The following RNF149 variants were observed in gnomAD, a reference collection of about 807,000 sequenced individuals.
RNF149 encodes E3 ubiquitin-protein ligase RNF149.
RNF149 carries 21 observed loss-of-function variants against 39.0 expected under a neutral mutation model. The ratio of observed to expected loss-of-function variants is 0.54; its 90% confidence interval spans 0.38 to 0.77. RNF149 has a LOEUF of 0.77. Ranked by LOEUF, RNF149 falls within the 30% of genes least tolerant of loss-of-function variation. The pLI is 0.00. For synonymous variants in RNF149, 209 were observed against 213.6 expected (o/e 0.98, Z 0.19); for missense variants, 493 against 534.9 (o/e 0.92, Z 0.77).
downstream of RNF149, among the ~76,000 whole-genome samples, chr2:101,273,983 G>A (rs1482918519): frequency 6.6e-6 from 1 of 151,682 alleles, no homozygotes; most frequent in Non-Finnish European, 1.5e-5. Flanking sequence ...ATGTTTGACA[G>A]CTGCTGATTA....
At chr2:101,293,658 C>G (rs1368951967) in intron 3 of RNF149, among the ~76,000 whole-genome samples, 1 of 152,160 alleles carries the variant, frequency 6.6e-6, no homozygotes, top group Non-Finnish European at 1.5e-5. Context: ...TCAGATTTAA[C>G]AGAAATGAAC....
At chr2:101,292,889 A>G (rs1683073172) in intron 3 of RNF149, among the ~76,000 whole-genome samples, 2 of 152,134 alleles carry the variant, frequency 1.3e-5, no homozygotes, top group South Asian at 4.1e-4. Flanking sequence ...AGTTTGTCAC[A>G]GGGATTAACT....
chr2:101,294,002 T>G lies in RNF149; in HGVS notation c.780+12A>C. 1 of 1,498,782 alleles carries G rather than the reference T, an allele frequency of 6.7e-7. No individual in the cohort carries two copies. The highest frequency in any genetic ancestry group is 9.2e-7 in the Non-Finnish European group (1 of 1,085,668). 92.8% of individuals were successfully genotyped at this position (1,498,782 alleles called of 1,614,324 possible). A position where few individuals can be genotyped will look rare whatever the true frequency, so the allele number is the denominator to read the frequency against. On this transcript the variant is annotated intron_variant, in intron 3 of 6. Coordinates refer to ENST00000295317, the MANE Select transcript of RNF149 (RefSeq NM_173647.4). ...AAACCACAAAACAAAAGAAAAACCA[T>G]GAAAATATTACCTTTTCTCCATGCT...
Position 101,275,789 on chromosome 2 carries a change from A to C in RNF149, c.*1449T>G. On this transcript the variant is annotated 3_prime_UTR_variant, in exon 7 of 7. Coordinates refer to ENST00000295317, the MANE Select transcript of RNF149 (RefSeq NM_173647.4). Reference sequence around the variant, plus strand: ...AGAGCAAACAATCTACTTGCTACAGAATCAGGATGTATTTTCCTATTTATA... The same window carrying C: ...AGAGCAAACAATCTACTTGCTACAGCATCAGGATGTATTTTCCTATTTATA... 2.0e-6 allele frequency: 2 copies of C among 981,056 alleles called. No homozygotes were observed. Among genetic ancestry groups the C allele is most frequent in the African/African-American group, 3.5e-5 (2 of 57,262 alleles). The allele number at this position is 981,056 out of a possible 1,614,324, so 60.8% of individuals were successfully genotyped here.
intron 1 of RNF149, among the ~76,000 whole-genome samples, chr2:101,295,433 G>A (rs1036780624): frequency 3.3e-5 from 5 of 151,980 alleles, no homozygotes; most frequent in South Asian, 4.1e-4. Context: ...AGGCCTAGGC[G>A]GGCGGATCAC....
chr2:101,291,846 TAC>T (rs1364774373), intron 3 of RNF149, among the ~76,000 whole-genome samples: 1 of 152,224 alleles, frequency 6.6e-6, no homozygotes, highest in East Asian at 1.9e-4. Flanking sequence ...CATTTTTTTG[TAC>T]AGTTTAAAAT....
chr2:101,308,219 C>A lies in RNF149; in HGVS notation c.370G>T (p.Val124Leu). 1 of 1,607,138 alleles carries A rather than the reference C, an allele frequency of 6.2e-7. No homozygotes were observed. The highest frequency in any genetic ancestry group is 8.5e-7 in the Non-Finnish European group (1 of 1,178,032). Residue 124 changes from valine (V) to leucine (L), a missense_variant, in exon 1 of 7, where the codon GTG becomes TTG. Transcript: ENST00000295317. Reference protein sequence around the residue: ...ARGGCTFKDKVLVAARRNASA... With the variant: ...ARGGCTFKDKLLVAARRNASA... ...GCGTTCCTCCGCGCCGCCACCAGCA[C>A]CTTGTCCTTGAAGGTGCAGCCCCCA... is the stretch of plus-strand genomic sequence containing the variant.
chr2:101,298,188 T>TG, intron 1 of RNF149, among the ~76,000 whole-genome samples: 1 of 152,248 alleles, frequency 6.6e-6, no homozygotes, highest in African/African-American at 2.4e-5. Flanking sequence ...CCCAACACTT[T>TG]GGGGGGCCAA....
At chr2:101,292,671 C>A (rs1335897364) in intron 3 of RNF149, among the ~76,000 whole-genome samples, 1 of 152,098 alleles carries the variant, frequency 6.6e-6, no homozygotes, top group Non-Finnish European at 1.5e-5. Context: ...GAGACTGAGG[C>A]AGGAGAATGG....
intron 1 of RNF149, among the ~76,000 whole-genome samples, chr2:101,306,579 T>C (rs768141362): frequency 6.6e-6 from 1 of 152,212 alleles, no homozygotes; most frequent in Non-Finnish European, 1.5e-5. Flanking sequence ...AAGCCTCCAG[T>C]GTTCTGGACT....
At chr2:101,280,286 A>G (rs921612747) in intron 6 of RNF149, among the ~76,000 whole-genome samples, 3 of 152,140 alleles carry the variant, frequency 2.0e-5, no homozygotes, top group Admixed American at 2.0e-4. Flanking sequence ...TGCAAATATA[A>G]AAACATATTA....
intron 4 of RNF149, 58 bp downstream of exon 4, chr2:101,288,915 C>G: frequency 1.2e-6 from 1 of 812,744 alleles, no homozygotes; most frequent in East Asian, 2.6e-5. Context: ...ACTATTTTGT[C>G]AGACACCTAA....
At chr2:101,272,756 A>G (rs570800151), downstream of RNF149, 2 of 359,942 alleles carry the variant, frequency 5.6e-6, no homozygotes, top group South Asian at 4.3e-5. Context: ...CATGCTCAAA[A>G]GAAAAGACTA....
chr2:101,308,337 G>T lies in RNF149; in HGVS notation c.252C>A (p.Gly84=). 1 of 1,597,358 alleles carries T rather than the reference G, an allele frequency of 6.3e-7. No homozygotes were observed. The highest frequency in any genetic ancestry group is 8.5e-7 in the Non-Finnish European group (1 of 1,174,820). ...HGLVGVPWAP[G]GDLEGCAPDT... ...CGGGCGCGCAGCCCTCGAGGTCTCC[G>T]CCGGGCGCCCACGGGACGCCCACCA... Residue 84 remains glycine (G), a synonymous_variant, in exon 1 of 7, where the codon GGC becomes GGA. Transcript: ENST00000295317.
rs890023143 is a variant in RNF149 at position 101,300,174 on chromosome 2, G to C, written c.461-4993C>G. Reference sequence around the variant, plus strand: ...AGGCACACTGGAGCCACATCTCAAAGGAGACAAAAAAGTTTACAAAGCAAA... The same window carrying C: ...AGGCACACTGGAGCCACATCTCAAACGAGACAAAAAAGTTTACAAAGCAAA... On this transcript the variant is annotated intron_variant, in intron 1 of 6. Coordinates refer to ENST00000295317, the MANE Select transcript of RNF149 (RefSeq NM_173647.4). Among the ~76,000 whole-genome samples the C allele has an allele frequency of 2.0e-5, 3 of 152,136 alleles. No individual in the cohort carries two copies. The East Asian group carries it at 5.8e-4, about 29-fold the overall frequency.
intron 4 of RNF149, 91 bp from the exon 5 acceptor site, chr2:101,286,268 A>C: frequency 4.4e-6 from 3 of 688,786 alleles, no homozygotes; most frequent in Non-Finnish European, 7.6e-6. Flanking sequence ...TCATCCTCTC[A>C]TTACAAGTTA....
chr2:101,308,634 G>T lies in RNF149; in HGVS notation c.-46C>A. 7.0e-7 allele frequency: 1 copy of T among 1,438,834 alleles called. No individual in the cohort carries two copies. Among genetic ancestry groups the T allele is most frequent in the Non-Finnish European group, 9.1e-7 (1 of 1,096,610 alleles). The allele number at this position is 1,438,834 out of a possible 1,614,324, so 89.1% of individuals were successfully genotyped here. A position where few individuals can be genotyped will look rare whatever the true frequency, so the allele number is the denominator to read the frequency against. ...TAGGGGGAGTCAGGGTCACGCGCGAGTGCGGTGCAGTCGAAGAGCAGAGAG... is the reference window on the plus strand; with the variant it reads ...TAGGGGGAGTCAGGGTCACGCGCGATTGCGGTGCAGTCGAAGAGCAGAGAG... On this transcript the variant is annotated 5_prime_UTR_variant, in exon 1 of 7. Coordinates refer to ENST00000295317, the MANE Select transcript of RNF149 (RefSeq NM_173647.4).
In RNF149 at chr2:101,308,687, G is replaced by A. The variant is rs772258014; in HGVS notation, c.-99C>T. ...GCGGACACCCACCGCCGCCCTGGAAGACTGAGGCGGGGTCGGGGCCGCTGC... is the reference window on the plus strand; with the variant it reads ...GCGGACACCCACCGCCGCCCTGGAAAACTGAGGCGGGGTCGGGGCCGCTGC... On this transcript the variant is annotated 5_prime_UTR_variant, in exon 1 of 7. Coordinates refer to ENST00000295317, the MANE Select transcript of RNF149 (RefSeq NM_173647.4). 30 of 1,149,152 alleles carry A rather than the reference G, an allele frequency of 2.6e-5. No homozygotes were observed. The highest frequency in any genetic ancestry group is 3.4e-5 in the South Asian group (2 of 58,460). The allele number at this position is 1,149,152 out of a possible 1,614,324, so 71.2% of individuals were successfully genotyped here.
At chr2:101,283,596 G>A (rs183926394) in intron 5 of RNF149, among the ~76,000 whole-genome samples, 84 of 152,272 alleles carry the variant, frequency 5.5e-4, no homozygotes, top group Non-Finnish European at 1.1e-3. Flanking sequence ...AGGGTGTACT[G>A]TCTAAAGATT....
Sources: allele counts gnomAD v4.1 joint callset (sites outside exome capture counted in the v4.1 genomes callset), GRCh38; gene constraint gnomAD v4.1.1; transcripts MANE v1.5; gene names NCBI Gene and HGNC (gene_info 2026-07-23, HGNC 2026-07-21).